The following CCDC85C variants were observed in gnomAD, a reference collection of about 807,000 sequenced individuals.
The protein encoded by CCDC85C is coiled-coil domain containing 85C, also known as coiled-coil domain-containing protein 85C.
In CCDC85C, 18 loss-of-function variants were observed where a neutral mutation model predicts 38.3. That is an observed-to-expected ratio of 0.47 (90% CI 0.33 to 0.70). The LOEUF is 0.70. Among genes scored for constraint, CCDC85C ranks in the 30% least tolerant of loss-of-function variants. The pLI is 0.03. For synonymous variants in CCDC85C, 264 were observed against 293.8 expected (o/e 0.90, Z 1.04); for missense variants, 566 against 621.2 (o/e 0.91, Z 0.94).
At chr14:99,537,074 T>C (rs1050957387) in intron 1 of CCDC85C, among the ~76,000 whole-genome samples, 2 of 152,074 alleles carry the variant, frequency 1.3e-5, no homozygotes, top group Non-Finnish European at 2.9e-5. Flanking sequence ...CTGTCCCAAG[T>C]ACCCCTGTGA....
At chr14:99,537,638 A>G (rs753942274) in intron 1 of CCDC85C, among the ~76,000 whole-genome samples, 1 of 152,014 alleles carries the variant, frequency 6.6e-6, no homozygotes, top group Non-Finnish European at 1.5e-5. Context: ...GGGGCCTTCT[A>G]GAGAGGAGAG....
chr14:99,566,194 A>T (rs1419904943), intron 1 of CCDC85C, among the ~76,000 whole-genome samples: 2 of 151,974 alleles, frequency 1.3e-5, no homozygotes, highest in Non-Finnish European at 2.9e-5. Flanking sequence ...CTGACCACCC[A>T]CTCGGTGGAC....
rs188485709 is a variant in CCDC85C at position 99,512,132 on chromosome 14, T to C, written c.*3114A>G. 2.4e-4 allele frequency: 37 copies of C among 152,346 alleles called. No homozygotes were observed. Among genetic ancestry groups the C allele is most frequent in the African/African-American group, 8.4e-4 (35 of 41,578 alleles). 9.4% of individuals were successfully genotyped at this position (152,346 alleles called of 1,614,324 possible). A position where few individuals can be genotyped will look rare whatever the true frequency, so the allele number is the denominator to read the frequency against. ...TACTAAAATAGTTCAAATCAATGTT[T>C]TTACCACACTATCAAAAAGTTCTAT... is the stretch of plus-strand genomic sequence containing the variant. On this transcript the variant is annotated 3_prime_UTR_variant, in exon 6 of 6. Coordinates refer to ENST00000380243, the MANE Select transcript of CCDC85C (RefSeq NM_001144995.2).
In CCDC85C at chr14:99,510,016, A is replaced by G; in HGVS notation, c.*5230T>C. The G allele has an allele frequency of 2.6e-6, 2 of 772,160 alleles. No individual in the cohort carries two copies. The highest frequency in any genetic ancestry group is 4.1e-6 in the Non-Finnish European group (2 of 491,212). 47.8% of individuals were successfully genotyped at this position (772,160 alleles called of 1,614,324 possible). ...ATCTGGTGGCATCAGGACATGGGGC[A>G]TGGGCCCATGCGTTGGGCCACAGAG... is the stretch of plus-strand genomic sequence containing the variant. On this transcript the variant is annotated 3_prime_UTR_variant, in exon 6 of 6. Coordinates refer to ENST00000380243, the MANE Select transcript of CCDC85C (RefSeq NM_001144995.2).
Position 99,510,136 on chromosome 14 carries a change from T to C in CCDC85C, c.*5110A>G, listed in dbSNP as rs963165652. 4.4e-6 allele frequency: 7 copies of C among 1,585,430 alleles called. No homozygotes were observed. Among genetic ancestry groups the C allele is most frequent in the Admixed American group, 3.5e-5 (2 of 57,634 alleles). On this transcript the variant is annotated 3_prime_UTR_variant, in exon 6 of 6. Coordinates refer to ENST00000380243, the MANE Select transcript of CCDC85C (RefSeq NM_001144995.2). ...ACCATTGCTGGCGGAGGCCGGGCACTGATGCGTCTCTCTCCTGCAGACCGG... is the reference window on the plus strand; with the variant it reads ...ACCATTGCTGGCGGAGGCCGGGCACCGATGCGTCTCTCTCCTGCAGACCGG...
chr14:99,503,395 T>G lies in CCDC85C; in HGVS notation c.*11851A>C. On this transcript the variant is annotated 3_prime_UTR_variant, in exon 6 of 6. Coordinates refer to ENST00000380243, the MANE Select transcript of CCDC85C (RefSeq NM_001144995.2). ...ACTCACCATTCAGGAAAGCTAGTCA[T>G]TCTGTCTTATTTGGTAAATGGAAAG... is the stretch of plus-strand genomic sequence containing the variant. 1 of 603,824 alleles carries G rather than the reference T, an allele frequency of 1.7e-6. No homozygotes were observed. The highest frequency in any genetic ancestry group is 3.0e-6 in the Non-Finnish European group (1 of 338,844). 37.4% of individuals were successfully genotyped at this position (603,824 alleles called of 1,614,324 possible).
At chr14:99,539,116 AC>A in intron 1 of CCDC85C, among the ~76,000 whole-genome samples, 1 of 152,326 alleles carries the variant, frequency 6.6e-6, no homozygotes, top group Middle Eastern at 3.4e-3. Flanking sequence ...CAAAATAACA[AC>A]ATAACACTCT....
chr14:99,521,622 C>T (rs1486195508), intron 3 of CCDC85C, among the ~76,000 whole-genome samples: 2 of 152,210 alleles, frequency 1.3e-5, no homozygotes, highest in South Asian at 2.1e-4. Flanking sequence ...GGCCTGGACT[C>T]CTGTGGCTCC....
intron 3 of CCDC85C, among the ~76,000 whole-genome samples, chr14:99,517,489 C>T (rs1215488913): frequency 6.6e-6 from 1 of 152,178 alleles, no homozygotes; most frequent in Non-Finnish European, 1.5e-5. Context: ...TAAGACCTAG[C>T]GTCTGTTTTG....
intron 2 of CCDC85C, chr14:99,534,804 T>G: frequency 1.4e-6 from 1 of 689,746 alleles, no homozygotes; most frequent in Middle Eastern, 2.3e-4. Flanking sequence ...CAGCACGGCC[T>G]GTGGCCAAAG....
rs946658387 is a variant in CCDC85C, at chr14:99,502,024, G to A, written c.*13222C>T. On this transcript the variant is annotated 3_prime_UTR_variant, in exon 6 of 6. Coordinates refer to ENST00000380243, the MANE Select transcript of CCDC85C (RefSeq NM_001144995.2). ...AGGAATAGAGAAATTACTAACTATG[G>A]TTAAAGTAACTTAGTCGGGTACCTT... 1.0e-5 allele frequency: 6 copies of A among 591,294 alleles called. No homozygotes were observed. In the Admixed American group the frequency reaches 1.1e-4, roughly 11 times the overall value. 36.6% of individuals were successfully genotyped at this position (591,294 alleles called of 1,614,324 possible). A position where few individuals can be genotyped will look rare whatever the true frequency, so the allele number is the denominator to read the frequency against.
chr14:99,529,360 TTG>T (rs555477281), intron 2 of CCDC85C, among the ~76,000 whole-genome samples: 12 of 151,320 alleles, frequency 7.9e-5, no homozygotes, highest in African/African-American at 2.4e-4. Flanking sequence ...GTGTGCAGTT[TTG>T]TGTGTGTGTG....
At chr14:99,593,748 T>C (rs2055114463) in intron 1 of CCDC85C, among the ~76,000 whole-genome samples, 1 of 152,224 alleles carries the variant, frequency 6.6e-6, no homozygotes, top group Non-Finnish European at 1.5e-5. Context: ...GAAGGGCCCA[T>C]GGCTGTTCTC....
intron 1 of CCDC85C, among the ~76,000 whole-genome samples, chr14:99,556,179 A>G (rs566663008): frequency 2.0e-5 from 3 of 152,386 alleles, no homozygotes; most frequent in African/African-American, 7.2e-5. Context: ...AGCACTGAGA[A>G]GCCATGGAGC....
intron 1 of CCDC85C, among the ~76,000 whole-genome samples, chr14:99,547,317 A>G (rs1897825560): frequency 6.6e-6 from 1 of 152,246 alleles, no homozygotes; most frequent in Non-Finnish European, 1.5e-5. Context: ...CAGAATAGGC[A>G]GATTCATAGA....
At chr14:99,556,395 C>T (rs1023078430) in intron 1 of CCDC85C, among the ~76,000 whole-genome samples, 1 of 152,186 alleles carries the variant, frequency 6.6e-6, no homozygotes, top group Non-Finnish European at 1.5e-5. Context: ...GCCTGAGTCA[C>T]AGAATGAGAC....
intron 3 of CCDC85C, among the ~76,000 whole-genome samples, chr14:99,521,620 C>T (rs547219565): frequency 2.6e-5 from 4 of 152,338 alleles, no homozygotes; most frequent in Admixed American, 6.5e-5. Context: ...TGGGCCTGGA[C>T]TCCTGTGGCT....
At position 99,516,174 on chromosome 14, in the gene CCDC85C, C is replaced by T. The variant is rs1316030736; in HGVS notation, c.1170+14G>A. On this transcript the variant is annotated intron_variant, in intron 5 of 5. Coordinates refer to ENST00000380243, the MANE Select transcript of CCDC85C (RefSeq NM_001144995.2). The surrounding 1 kb of genome is among the most constrained non-coding windows in gnomAD (Gnocchi z 5.5). ...CAGTGCCAAGCCTCTGCCCCCCACCCCTGGAAGCCTCACGTTGCACATCTC... is the reference window on the plus strand; with the variant it reads ...CAGTGCCAAGCCTCTGCCCCCCACCTCTGGAAGCCTCACGTTGCACATCTC... 3.9e-6 allele frequency: 6 copies of T among 1,548,476 alleles called. No homozygotes were observed. The highest frequency in any genetic ancestry group is 5.2e-6 in the Non-Finnish European group (6 of 1,144,578).
At chr14:99,598,972 A>T (rs1285384103) in intron 1 of CCDC85C, among the ~76,000 whole-genome samples, 1 of 152,124 alleles carries the variant, frequency 6.6e-6, no homozygotes, top group African/African-American at 2.4e-5. Context: ...TCCCAAGGCC[A>T]TTGATGGATC....
Sources: gnomAD v4.1 joint callset for allele counts (sites outside exome capture counted in the v4.1 genomes callset) on GRCh38, gnomAD v4.1.1 for gene constraint, Gnocchi (gnomAD v3.1) non-coding constraint, MANE v1.5 for transcripts, NCBI Gene and HGNC (gene_info 2026-07-23, HGNC 2026-07-21) for gene names.